The following UGT1A10 variants were observed in gnomAD, a reference collection of about 807,000 sequenced individuals.
UGT1A10 encodes the protein UDP glucuronosyltransferase family 1 member A10, also known as UDP-glucuronosyltransferase 1A10.
UGT1A10 carries 49 observed loss-of-function variants against 45.8 expected under a neutral mutation model. The ratio of observed to expected loss-of-function variants is 1.07; its 90% confidence interval spans 0.85 to 1.36. UGT1A10 has a LOEUF of 1.36. Among genes scored for constraint, UGT1A10 ranks in the 40% most tolerant of loss-of-function variants. The pLI is 0.00. For synonymous variants in UGT1A10, 284 were observed against 249.7 expected (o/e 1.14, Z -1.29); for missense variants, 745 against 668.6 (o/e 1.11, Z -1.26).
intron 1 of UGT1A10, among the ~76,000 whole-genome samples, chr2:233,685,843 A>G (rs1022840820): frequency 2.6e-5 from 4 of 152,194 alleles, no homozygotes; most frequent in African/African-American, 7.2e-5. Flanking sequence ...AATAAGGAAA[A>G]TTTGTTTCAT....
intron 1 of UGT1A10, among the ~76,000 whole-genome samples, chr2:233,640,658 A>T (rs1479036062): frequency 6.6e-6 from 1 of 152,130 alleles, no homozygotes; most frequent in East Asian, 1.9e-4. Flanking sequence ...TTTAGGCTGC[A>T]AATGCTGTTC....
rs1422207500 is a variant in UGT1A10 at position 233,757,556 on chromosome 2, ATATATG to A, written c.856-9472_856-9467del. ...AAGGAATATATATATATATATATATATATATGTATATATGATATAGCTATAGTCTAA... is the reference window on the plus strand; with the variant it reads ...AAGGAATATATATATATATATATATATATATATGATATAGCTATAGTCTAA... On this transcript the variant is annotated intron_variant, in intron 1 of 4. Coordinates refer to ENST00000344644, the MANE Select transcript of UGT1A10 (RefSeq NM_019075.4). Among the ~76,000 whole-genome samples, 673 of 125,374 alleles carry A rather than the reference ATATATG, an allele frequency of 5.4e-3. 74 individuals carry two copies. The highest frequency in any genetic ancestry group is 0.02 in the African/African-American group (631 of 31,024). The allele number at this position is 125,374 out of a possible 152,430, so 82.3% of individuals were successfully genotyped here.
intron 1 of UGT1A10, chr2:233,753,301 C>T (rs1695176725): frequency 6.6e-6 from 1 of 152,212 alleles, no homozygotes; most frequent in East Asian, 1.9e-4. Flanking sequence ...TGTGAGACCC[C>T]GTGTGCCCCT....
chr2:233,744,040 C>T (rs1692664957), intron 1 of UGT1A10: 2 of 766,390 alleles, frequency 2.6e-6, no homozygotes, highest in South Asian at 1.7e-5. Context: ...TATGACGCAG[C>T]CACATCTCAT....
At chr2:233,720,408 G>T (rs886330987) in intron 1 of UGT1A10, among the ~76,000 whole-genome samples, 1 of 152,092 alleles carries the variant, frequency 6.6e-6, no homozygotes, top group African/African-American at 2.4e-5. Context: ...GTGGGTGGAA[G>T]GGACTAGGGA....
Position 233,772,382 on chromosome 2 carries a change from C to T in UGT1A10, c.1416C>T (p.Arg472=). 5 of 1,614,256 alleles carry T rather than the reference C, an allele frequency of 3.1e-6. No homozygotes were observed. The highest frequency in any genetic ancestry group is 2.5e-6 in the Non-Finnish European group (3 of 1,180,048). ...GGCACAAGGGCGCGCCACACCTGCGCCCCGCAGCCCACGACCTCACCTGGT... is the reference window on the plus strand; with the variant it reads ...GGCACAAGGGCGCGCCACACCTGCGTCCCGCAGCCCACGACCTCACCTGGT... ...VMRHKGAPHL[R]PAAHDLTWYQ... The change falls in exon 5 of 5, where the codon CGC becomes CGT. Residue 472 remains arginine, a synonymous_variant. Coordinates refer to ENST00000344644, the MANE Select transcript of UGT1A10 (RefSeq NM_019075.4).
At position 233,742,113 on chromosome 2, in the gene UGT1A10, C is replaced by T. The variant is rs368055004; in HGVS notation, c.856-24921C>T. On this transcript the variant is annotated intron_variant, in intron 1 of 4. Coordinates refer to ENST00000344644, the MANE Select transcript of UGT1A10 (RefSeq NM_019075.4). ...TTCCAGGACCCACTGCCAAGACCAGCTTGGTCGTGGAGACCCTAACCCAGC... is the reference window on the plus strand; with the variant it reads ...TTCCAGGACCCACTGCCAAGACCAGTTTGGTCGTGGAGACCCTAACCCAGC... 2.0e-4 allele frequency among the ~76,000 whole-genome samples: 30 copies of T among 151,982 alleles called. 1 individual carries two copies. The highest frequency in any genetic ancestry group is 7.0e-4 in the African/African-American group (29 of 41,250).
At chr2:233,659,469 T>C (rs1386052225) in intron 1 of UGT1A10, among the ~76,000 whole-genome samples, 3 of 151,938 alleles carry the variant, frequency 2.0e-5, no homozygotes, top group Non-Finnish European at 2.9e-5. Flanking sequence ...TGAGAAAAAA[T>C]TTTAGGGTTG....
At chr2:233,735,136 T>C (rs2078611903) in intron 1 of UGT1A10, among the ~76,000 whole-genome samples, 1 of 152,178 alleles carries the variant, frequency 6.6e-6, no homozygotes, top group African/African-American at 2.4e-5. Context: ...TCATTATTAT[T>C]GTGTGGGAGT....
At chr2:233,724,315 G>T (rs1179998085) in intron 1 of UGT1A10, among the ~76,000 whole-genome samples, 3 of 148,806 alleles carry the variant, frequency 2.0e-5, no homozygotes, top group African/African-American at 5.0e-5. Context: ...CTCCCGGACG[G>T]GGCGGCTGGC....
intron 1 of UGT1A10, among the ~76,000 whole-genome samples, chr2:233,695,235 C>T (rs1369922009): frequency 1.3e-5 from 2 of 151,340 alleles, no homozygotes; most frequent in African/African-American, 4.9e-5. Context: ...AAGCGATTCT[C>T]CTGCCTCAGC....
intron 1 of UGT1A10, among the ~76,000 whole-genome samples, chr2:233,757,319 C>T (rs999230342): frequency 1.7e-4 from 25 of 147,060 alleles, no homozygotes; most frequent in Non-Finnish European, 3.3e-4. Flanking sequence ...GGGGCTGGGG[C>T]CCTGAAATGG....
chr2:233,766,851 A>G (rs1202142571), intron 1 of UGT1A10, among the ~76,000 whole-genome samples, 183 bp from the exon 2 acceptor site: 1 of 152,234 alleles, frequency 6.6e-6, no homozygotes, highest in Non-Finnish European at 1.5e-5. Flanking sequence ...TTCCTCCTTT[A>G]GAAGGAAGTA....
chr2:233,762,899 T>C (rs1698190736), intron 1 of UGT1A10, among the ~76,000 whole-genome samples: 1 of 152,218 alleles, frequency 6.6e-6, no homozygotes, highest in Non-Finnish European at 1.5e-5. Context: ...ATGCCAAATA[T>C]CAGGGCTATT....
rs1187265864 is a variant in UGT1A10 at position 233,756,550 on chromosome 2, C to T, written c.856-10484C>T. Among the ~76,000 whole-genome samples the T allele has an allele frequency of 2.0e-5, 3 of 152,052 alleles. No homozygotes were observed. In the South Asian group the frequency reaches 6.2e-4, roughly 32 times the overall value. On this transcript the variant is annotated intron_variant, in intron 1 of 4. Transcript: ENST00000344644. ...TCACTTTTCTTGACTGCTAAAACAA[C>T]CAGGGAGATCCTCTCAGACAAAAGG...
chr2:233,676,471 A>G (rs550913386), intron 1 of UGT1A10, among the ~76,000 whole-genome samples: 1 of 152,304 alleles, frequency 6.6e-6, no homozygotes, highest in Non-Finnish European at 1.5e-5. Context: ...CTCATTCACC[A>G]ATATTGACGC....
intron 1 of UGT1A10, chr2:233,753,565 G>GGACC (rs1470283120): frequency 1.3e-5 from 2 of 152,156 alleles, no homozygotes; most frequent in African/African-American, 4.8e-5. Flanking sequence ...CTAGAAGATG[G>GGACC]GACCCTTTGT....
At chr2:233,767,789 A>T (rs1699484858) in intron 2 of UGT1A10, 60 bp from the exon 3 acceptor site, 5 of 1,613,778 alleles carry the variant, frequency 3.1e-6, no homozygotes, top group Non-Finnish European at 4.2e-6. Context: ...AGTATAGCAG[A>T]TTTGTTTTCT....
At chr2:233,695,439 T>C (rs572772091) in intron 1 of UGT1A10, among the ~76,000 whole-genome samples, 14 of 152,046 alleles carry the variant, frequency 9.2e-5, no homozygotes, top group African/African-American at 3.4e-4. Context: ...CTTCTTCTTT[T>C]TTTTTTGATC....
Sources: allele counts gnomAD v4.1 joint callset (sites outside exome capture counted in the v4.1 genomes callset), GRCh38; gene constraint gnomAD v4.1.1; transcripts MANE v1.5; gene names NCBI Gene and HGNC (gene_info 2026-07-23, HGNC 2026-07-21).